Variants in CPM observed in about 807,000 individuals in gnomAD.
The protein encoded by CPM is carboxypeptidase M, also known as renal carboxypeptidase.
Under a neutral mutation model 46.4 loss-of-function variants are expected in CPM, and 35 were observed. That is an observed-to-expected ratio of 0.75 (90% CI 0.58 to 1.00). The LOEUF (loss-of-function observed/expected upper bound fraction) is 1.00. CPM is among the 50% of genes least tolerant of loss of function. The probability of loss-of-function intolerance (pLI) is 0.00; values close to 1 mark genes in which losing one functional copy is unlikely to be tolerated. For missense variants in CPM, 422 were observed against 530.4 expected, an observed-to-expected ratio of 0.80 and a Z score of 2.01; for synonymous variants, 195 against 195.3, an observed-to-expected ratio of 1.00 and a Z score of 0.01.
intron 3 of CPM, 25 bp from the exon 4 acceptor site, chr12:68,871,981 G>A: frequency 2.5e-6 from 4 of 1,613,156 alleles, no homozygotes; most frequent in Non-Finnish European, 3.4e-6. Flanking sequence ...GAGAAAAGAG[G>A]ACATTATTAG....
At position 68,856,455 on chromosome 12, in the gene CPM, CA is replaced by C; in HGVS notation, c.1313del (p.Leu438CysfsTer47). The C allele has an allele frequency of 6.2e-7, 1 of 1,613,858 alleles. No homozygotes were observed. Among genetic ancestry groups the C allele is most frequent in the Non-Finnish European group, 8.5e-7 (1 of 1,179,924 alleles). ...TTTTACTTTATTTGAAGAATATGTG[CA>C]AAAGACTCACTAAAAATAAGAACAA... is the stretch of plus-strand genomic sequence containing the variant. ...PSLFLFLVSLLHIFFK is the reference protein window; with the variant it reads ...PSLFLFLVSLXHIFFK On this transcript the variant is annotated frameshift_variant, in exon 9 of 9. Transcript: ENST00000551568. LOFTEE classifies it high-confidence loss of function.
chr12:68,939,391 T>G (rs1352561853), intron 1 of CPM, among the ~76,000 whole-genome samples: 1 of 148,994 alleles, frequency 6.7e-6, no homozygotes, highest in African/African-American at 2.4e-5. Context: ...ATCCTATATA[T>G]ATACATAAAT....
intron 2 of CPM, among the ~76,000 whole-genome samples, chr12:68,892,606 T>A (rs528558335): frequency 1.4e-3 from 220 of 152,276 alleles, no homozygotes; most frequent in Non-Finnish European, 2.2e-3. Flanking sequence ...ACACCTGTAA[T>A]CCCAGCACTT....
intron 1 of CPM, among the ~76,000 whole-genome samples, chr12:68,954,775 T>C (rs1346731403): frequency 1.3e-5 from 2 of 152,214 alleles, no homozygotes; most frequent in African/African-American, 2.4e-5. Flanking sequence ...AGTGTGTGTT[T>C]ATATCTTGGC....
intron 3 of CPM, among the ~76,000 whole-genome samples, chr12:68,873,667 CAAAA>C (rs34150942): frequency 1.2e-4 from 8 of 69,236 alleles, no homozygotes; most frequent in Non-Finnish European, 1.0e-4. Flanking sequence ...GACCCTGTCT[CAAAA>C]AAAAAAAAAA....
chr12:68,872,397 C>T (rs1443489317), intron 3 of CPM, among the ~76,000 whole-genome samples: 1 of 151,738 alleles, frequency 6.6e-6, no homozygotes, highest in Non-Finnish European at 1.5e-5. Flanking sequence ...GGATTACAGG[C>T]GTGTGCCACC....
chr12:68,935,381 C>A (rs2136327517), upstream of CPM, among the ~76,000 whole-genome samples: 1 of 152,286 alleles, frequency 6.6e-6, no homozygotes. Context: ...GTGTTTCAGC[C>A]TCTAACGTAC....
intron 2 of CPM, among the ~76,000 whole-genome samples, chr12:68,923,369 C>T (rs1888120852): frequency 6.6e-6 from 1 of 152,108 alleles, no homozygotes; most frequent in Admixed American, 6.6e-5. Context: ...GTAGATACTG[C>T]TGTAACCACA....
Position 68,854,942 on chromosome 12 carries a change from T to C in CPM, c.*1495A>G, listed in dbSNP as rs983446197. 1.3e-5 allele frequency: 2 copies of C among 152,440 alleles called. No homozygotes were observed. The highest frequency in any genetic ancestry group is 2.1e-4 in the South Asian group (1 of 4,814). The allele number at this position is 152,440 out of a possible 1,614,324, so 9.4% of individuals were successfully genotyped here. On this transcript the variant is annotated 3_prime_UTR_variant, in exon 9 of 9. Transcript: ENST00000551568. The stretch of plus-strand genomic sequence containing the variant: ...CGCAATCCCGGCTCACTGCAACCTC[T>C]GCCTCCCAGGTTCAAGCGATTCTCC...
At chr12:68,929,132 A>AT (rs1331140244) in intron 2 of CPM, among the ~76,000 whole-genome samples, 1 of 152,092 alleles carries the variant, frequency 6.6e-6, no homozygotes, top group African/African-American at 2.4e-5. Context: ...ACAAGGGTTC[A>AT]TTTTTTAAAA....
At chr12:68,870,075 T>G in intron 5 of CPM, 140 bp downstream of exon 5, 1 of 806,936 alleles carries the variant, frequency 1.2e-6, no homozygotes, top group Non-Finnish European at 1.9e-6. Context: ...GAAGGATGGC[T>G]AGAGTTGGGA....
chr12:68,947,955 G>T (rs1275702399), intron 1 of CPM, among the ~76,000 whole-genome samples: 1 of 152,110 alleles, frequency 6.6e-6, no homozygotes, highest in African/African-American at 2.4e-5. Flanking sequence ...TCTAATAGCT[G>T]TTCCCCATCC....
chr12:68,849,893 G>A (rs1258090387), downstream of CPM: 1 of 152,280 alleles, frequency 6.6e-6, no homozygotes, highest in Non-Finnish European at 1.5e-5. Context: ...GATTACAGAT[G>A]TGAGTCACTA....
At chr12:68,928,908 TA>T (rs1335782228) in intron 2 of CPM, among the ~76,000 whole-genome samples, 24 of 120,004 alleles carry the variant, frequency 2.0e-4, no homozygotes, top group Non-Finnish European at 3.0e-4. Context: ...CCTGGTTAAT[TA>T]AATTTTTTTT....
At chr12:68,956,449 C>A (rs1053756274) in intron 1 of CPM, among the ~76,000 whole-genome samples, 9 of 152,234 alleles carry the variant, frequency 5.9e-5, no homozygotes, top group African/African-American at 2.2e-4. Flanking sequence ...GCTGCCCCAG[C>A]CACGCCTCCC....
downstream of CPM, chr12:68,847,784 T>A (rs964902865): frequency 1.3e-5 from 2 of 152,092 alleles, no homozygotes. Flanking sequence ...ATAAATACAT[T>A]GTGTATACAG....
intron 1 of CPM, among the ~76,000 whole-genome samples, chr12:68,960,146 G>T (rs1049745251): frequency 6.6e-6 from 1 of 152,090 alleles, no homozygotes; most frequent in African/African-American, 2.4e-5. Context: ...CTGGAAAAAA[G>T]GAATCACATT....
chr12:68,884,176 AG>A (rs1330372269), intron 3 of CPM, among the ~76,000 whole-genome samples: 1 of 151,530 alleles, frequency 6.6e-6, no homozygotes, highest in Non-Finnish European at 1.5e-5. Context: ...TCAATAGACA[AG>A]ATAGCAAAAG....
chr12:68,943,439 C>T (rs991354260), intron 1 of CPM, among the ~76,000 whole-genome samples: 2 of 152,268 alleles, frequency 1.3e-5, no homozygotes, highest in Middle Eastern at 3.4e-3. Context: ...GAAAGGGATA[C>T]AACAGATAGT....
Sources: allele counts gnomAD v4.1 joint callset (sites outside exome capture counted in the v4.1 genomes callset), GRCh38; gene constraint gnomAD v4.1.1; transcripts MANE v1.5; gene names NCBI Gene and HGNC (gene_info 2026-07-23, HGNC 2026-07-21).